Variants in STRBP observed in about 807,000 individuals in gnomAD.
The protein encoded by STRBP is spermatid perinuclear RNA binding protein.
A neutral mutation model predicts 80.1 loss-of-function variants in STRBP; 13 were observed. That is an observed-to-expected ratio of 0.16 (90% CI 0.11 to 0.26). STRBP has a LOEUF of 0.26. Among genes scored for constraint, STRBP ranks in the 10% least tolerant of loss-of-function variants. STRBP has a pLI of 1.00. For missense variants in STRBP, 485 were observed against 815.2 expected, an observed-to-expected ratio of 0.59 and a Z score of 4.93; for synonymous variants, 284 against 291.2, an observed-to-expected ratio of 0.98 and a Z score of 0.25.
At chr9:123,183,180 G>A (rs2038559214) in intron 3 of STRBP, among the ~76,000 whole-genome samples, 1 of 151,970 alleles carries the variant, frequency 6.6e-6, no homozygotes, top group Non-Finnish European at 1.5e-5. Flanking sequence ...GCTGATGCTT[G>A]TAATCCCAGC....
intron 2 of STRBP, among the ~76,000 whole-genome samples, chr9:123,215,586 A>G (rs1588114805): frequency 6.6e-6 from 1 of 152,152 alleles, no homozygotes; most frequent in Non-Finnish European, 1.5e-5. Context: ...GGAGTTTGAG[A>G]CCAGCCTGGC....
chr9:123,230,032 T>C (rs2040354724), intron 2 of STRBP, among the ~76,000 whole-genome samples: 1 of 152,092 alleles, frequency 6.6e-6, no homozygotes, highest in African/African-American at 2.4e-5. Flanking sequence ...GCCAAGTAAG[T>C]ATGATTAAAG....
intron 13 of STRBP, among the ~76,000 whole-genome samples, chr9:123,140,767 C>T (rs1458591022): frequency 5.3e-5 from 8 of 152,186 alleles, no homozygotes; most frequent in African/African-American, 1.7e-4. Context: ...TACTTTCAGT[C>T]GATCCCCAGG....
chr9:123,179,604 C>T (rs764602234), intron 3 of STRBP, among the ~76,000 whole-genome samples: 47 of 151,910 alleles, frequency 3.1e-4, no homozygotes, highest in Non-Finnish European at 5.4e-4. Context: ...GGTAAAACCC[C>T]GTCTCTACTA....
intron 2 of STRBP, among the ~76,000 whole-genome samples, chr9:123,226,946 G>A (rs9886684): frequency 0.071 from 10,784 of 152,170 alleles, 1,262 homozygotes; most frequent in African/African-American, 0.24. Context: ...TTCTTGCCAC[G>A]TCATAACATG....
At chr9:123,257,018 T>C (rs1390132851) in intron 1 of STRBP, among the ~76,000 whole-genome samples, 2 of 152,004 alleles carry the variant, frequency 1.3e-5, no homozygotes, top group East Asian at 3.8e-4. Context: ...CTCATAAAGA[T>C]AGTCCTGATA....
At chr9:123,190,172 C>T (rs979685481) in intron 2 of STRBP, among the ~76,000 whole-genome samples, 15 of 151,776 alleles carry the variant, frequency 9.9e-5, no homozygotes, top group African/African-American at 2.9e-4. Flanking sequence ...CTCAGCCACT[C>T]GGGAGACTGA....
Position 123,136,749 on chromosome 9 carries a change from G to C in STRBP, c.1498-234C>G, listed in dbSNP as rs991691855. On this transcript the variant is annotated intron_variant, in intron 14 of 18. Transcript: ENST00000348403. This position sits in a 1 kb window ranked among gnomAD's most constrained non-coding sequence, Gnocchi z 4.2. ...AGCCTTCCTTCGAAGCAGTATTCAA[G>C]ACCAATCAATGCAACCTCACCACTG... 4.6e-5 allele frequency among the ~76,000 whole-genome samples: 7 copies of C among 152,130 alleles called. No individual in the cohort carries two copies. The highest frequency in any genetic ancestry group is 1.4e-4 in the African/African-American group (6 of 41,428).
At chr9:123,186,055 G>C (rs1439568147) in intron 2 of STRBP, among the ~76,000 whole-genome samples, 2 of 149,014 alleles carry the variant, frequency 1.3e-5, no homozygotes, top group Non-Finnish European at 3.0e-5. Flanking sequence ...AAAAAATGTG[G>C]AGCCAGCCAG....
intron 2 of STRBP, among the ~76,000 whole-genome samples, chr9:123,212,222 C>T (rs1305238974): frequency 2.0e-5 from 3 of 152,092 alleles, no homozygotes; most frequent in African/African-American, 7.2e-5. Flanking sequence ...AGAATTTGTT[C>T]TAGTGAGTTT....
chr9:123,139,533 A>G lies in STRBP; in HGVS notation c.1493T>C (p.Leu498Ser), dbSNP rs2036502262. 1 of 1,599,710 alleles carries G rather than the reference A, an allele frequency of 6.3e-7. No homozygotes were observed. The highest frequency in any genetic ancestry group is 1.1e-5 in the South Asian group (1 of 87,444). Residue 498 changes from leucine to serine, a missense_variant, in exon 14 of 19, where the codon TTA (leucine) becomes TCA (serine). Around this residue, in one of 3 missense-constraint regions of STRBP, gnomAD observed 377 missense variants for 616.1 expected, o/e 0.61. Transcript: ENST00000348403. Reference protein sequence around the residue: ...GNSTTETSSTLEVRTQGPILT... With the variant: ...GNSTTETSSTSEVRTQGPILT... ...CTGAGAAAAAAATAAGTATACCTCT[A>G]AGGTACTGGAGGTTTCAGTTGTAGA...
intron 17 of STRBP, among the ~76,000 whole-genome samples, chr9:123,130,779 C>T (rs984215882): frequency 2.6e-5 from 4 of 152,078 alleles, no homozygotes; most frequent in African/African-American, 9.7e-5. Flanking sequence ...CCCAATGCTC[C>T]AGCTAAAAAC....
rs745615075 is a variant in STRBP, at chr9:123,186,031, CAAAAA to C, written c.-164-1738_-164-1734del. Among the ~76,000 whole-genome samples the C allele has an allele frequency of 1.9e-4, 21 of 110,776 alleles. No individual in the cohort carries two copies. In the East Asian group the frequency reaches 4.3e-3, roughly 23 times the overall value. 72.7% of individuals were successfully genotyped at this position (110,776 alleles called of 152,430 possible). On this transcript the variant is annotated intron_variant, in intron 2 of 18. Transcript: ENST00000348403. ...TGGGCGAAAAAGCAAGACTCCGTCT[CAAAAA>C]AAAAAAAAAAAAAATGTGGAGCCAG...
intron 1 of STRBP, among the ~76,000 whole-genome samples, chr9:123,262,282 T>C (rs3758333): frequency 0.38 from 57,552 of 152,038 alleles, 17,951 homozygotes; most frequent in African/African-American, 0.83. Flanking sequence ...AAAACAAGCA[T>C]GGTAAGAAAA....
At chr9:123,259,433 G>T (rs572550157) in intron 1 of STRBP, among the ~76,000 whole-genome samples, 1 of 152,190 alleles carries the variant, frequency 6.6e-6, no homozygotes, top group African/African-American at 2.4e-5. Flanking sequence ...TCAGCCAGGC[G>T]CAATGGCTCA....
rs753382851 is a variant in STRBP at position 123,158,006 on chromosome 9, G to A, written c.1045+6C>T. The stretch of plus-strand genomic sequence containing the variant: ...CCCAACCCTAATAAAAAACTTCCAT[G>A]CTCACCTTCTTTATCAGTAACTGAC... On this transcript the variant is annotated splice_donor_region_variant and intron_variant, in intron 11 of 18. Coordinates refer to ENST00000348403, the MANE Select transcript of STRBP (RefSeq NM_018387.5). 2 of 1,605,448 alleles carry A rather than the reference G, an allele frequency of 1.2e-6. No individual in the cohort carries two copies. Among genetic ancestry groups the A allele is most frequent in the Admixed American group, 1.7e-5 (1 of 59,624 alleles).
rs534272918 is a variant in STRBP, at chr9:123,131,367, A to G, written c.1897+1478T>C. ...TCTGGGACTGAGTCATCCAGCTTTA[A>G]TTCACATCATTCCCCAGTCTCTCCA... On this transcript the variant is annotated intron_variant, in intron 17 of 18. Transcript: ENST00000348403. Among the ~76,000 whole-genome samples, 28 of 152,330 alleles carry G rather than the reference A, an allele frequency of 1.8e-4. No individual in the cohort carries two copies. The Middle Eastern group carries it at 0.014, about 74-fold the overall frequency.
At chr9:123,221,560 A>C (rs1002534291) in intron 2 of STRBP, among the ~76,000 whole-genome samples, 1 of 152,250 alleles carries the variant, frequency 6.6e-6, no homozygotes. Context: ...ATCAATAGTT[A>C]ACGTTTTGCT....
chr9:123,133,420 C>A (rs1056750940), intron 16 of STRBP, among the ~76,000 whole-genome samples: 1 of 152,144 alleles, frequency 6.6e-6, no homozygotes, highest in Non-Finnish European at 1.5e-5. Context: ...ACAGGAGGAC[C>A]AAAGATGAGG....
Sources: gnomAD v4.1 joint callset for allele counts (sites outside exome capture counted in the v4.1 genomes callset) on GRCh38, gnomAD v4.1.1 for gene constraint, gnomAD v4.1.1 regional missense constraint, Gnocchi (gnomAD v3.1) non-coding constraint, MANE v1.5 for transcripts, NCBI Gene and HGNC (gene_info 2026-07-23, HGNC 2026-07-21) for gene names.